UBR2: variants seen among roughly 807,000 people sequenced by gnomAD.
The protein encoded by UBR2 is E3 ubiquitin-protein ligase UBR2.
UBR2 carries 92 observed loss-of-function variants against 247.9 expected under a neutral mutation model. The ratio of observed to expected loss-of-function variants is 0.37; its 90% confidence interval spans 0.31 to 0.44. The LOEUF is 0.44. Ranked by LOEUF, UBR2 falls within the 20% of genes least tolerant of loss-of-function variation. The pLI is 1.00. For missense variants in UBR2, 1,613 were observed against 2,112.6 expected (o/e 0.76, Z 4.64); for synonymous variants, 672 against 693.5 (o/e 0.97, Z 0.49).
At chr6:42,633,053 C>T (rs1795857454) in intron 13 of UBR2, 149 bp downstream of exon 13, 1 of 525,976 alleles carries the variant, frequency 1.9e-6, no homozygotes, top group Non-Finnish European at 3.2e-6. Context: ...GTCATAGACA[C>T]AACCATAGTG....
intron 18 of UBR2, 90 bp downstream of exon 18, chr6:42,642,571 C>A: frequency 9.3e-7 from 1 of 1,070,658 alleles, no homozygotes; most frequent in Non-Finnish European, 1.4e-6. Context: ...TGATCACTCC[C>A]AAATCTACAA....
At chr6:42,670,384 T>G (rs1798359536) in intron 35 of UBR2, 144 bp downstream of exon 35, 2 of 1,082,710 alleles carry the variant, frequency 1.8e-6, no homozygotes, top group Admixed American at 2.7e-5. Context: ...AGAAATGTAA[T>G]GTACTGACAA....
At chr6:42,580,675 G>C (rs1791826962) in intron 2 of UBR2, among the ~76,000 whole-genome samples, 1 of 152,048 alleles carries the variant, frequency 6.6e-6, no homozygotes, top group African/African-American at 2.4e-5. Context: ...GAGTAGCTGG[G>C]ACTACAGGTG....
chr6:42,684,702 C>T (rs1056574617), intron 43 of UBR2, 92 bp from the exon 44 acceptor site: 32 of 827,424 alleles, frequency 3.9e-5, no homozygotes, highest in African/African-American at 1.9e-4. Flanking sequence ...CCATGTTACC[C>T]GGGCTAGGCA....
chr6:42,645,090 C>T (rs559942805), intron 20 of UBR2, among the ~76,000 whole-genome samples: 45 of 152,092 alleles, frequency 3.0e-4, no homozygotes, highest in African/African-American at 1.0e-3. Flanking sequence ...AGAAAGTCTC[C>T]GAAGTTGATA....
chr6:42,625,687 T>C (rs1311769142), intron 11 of UBR2, among the ~76,000 whole-genome samples: 1 of 152,202 alleles, frequency 6.6e-6, no homozygotes, highest in Non-Finnish European at 1.5e-5. Context: ...TGGCCTCATG[T>C]GATCTGCCTA....
Position 42,652,570 on chromosome 6 carries a change from G to T in UBR2, c.2694G>T (p.Leu898Phe), listed in dbSNP as rs774654956. Residue 898 changes from leucine (L) to phenylalanine (F), a missense_variant, in exon 25 of 47, where the codon TTG becomes TTT. Transcript: ENST00000372901. ...ACATTTTGCAGTCAGATGTCATGTT[G>T]TGCATCATGGGAACAATTCTGCAAT... ...LVNILQSDVMLCIMGTILQWA... is the reference protein window; with the variant it reads ...LVNILQSDVMFCIMGTILQWA... 7 of 1,613,608 alleles carry T rather than the reference G, an allele frequency of 4.3e-6. No individual in the cohort carries two copies. The South Asian group carries it at 7.7e-5, about 18-fold the overall frequency.
intron 11 of UBR2, among the ~76,000 whole-genome samples, chr6:42,620,730 C>T (rs755359393): frequency 3.3e-5 from 5 of 151,886 alleles, no homozygotes; most frequent in Non-Finnish European, 7.4e-5. Context: ...GCTGGGATTA[C>T]GGGCATGAGC....
chr6:42,606,672 C>T (rs752082980), intron 7 of UBR2, 21 bp downstream of exon 7: 192 of 1,565,738 alleles, frequency 1.2e-4, no homozygotes, highest in Admixed American at 7.4e-4. Context: ...TAAAAACATG[C>T]TTATATTATT....
chr6:42,676,210 T>C lies in UBR2; in HGVS notation c.4387+19T>C. ...TGTACAGGTAACTCTTGCCTTTTTG[T>C]CAGTTTCTTGAAGGAAATACTTGAG... On this transcript the variant is annotated intron_variant, in intron 39 of 46. Coordinates refer to ENST00000372901, the MANE Select transcript of UBR2 (RefSeq NM_001363705.2). 1 of 1,545,310 alleles carries C rather than the reference T, an allele frequency of 6.5e-7. No individual in the cohort carries two copies. Among genetic ancestry groups the C allele is most frequent in the South Asian group, 1.2e-5 (1 of 80,070 alleles).
chr6:42,645,445 G>A, intron 20 of UBR2, 21 bp from the exon 21 acceptor site: 1 of 1,608,236 alleles, frequency 6.2e-7, no homozygotes, highest in East Asian at 2.2e-5. Flanking sequence ...GTATGTATAT[G>A]TACTTTTCCA....
At chr6:42,614,214 A>ATATATG (rs1794296297) in intron 8 of UBR2, among the ~76,000 whole-genome samples, 1 of 53,560 alleles carries the variant, frequency 1.9e-5, no homozygotes, top group South Asian at 8.1e-4. Context: ...AACTATATAT[A>ATATATG]TATACACACA....
At chr6:42,588,557 C>T (rs950451620) in intron 2 of UBR2, among the ~76,000 whole-genome samples, 12 of 152,204 alleles carry the variant, frequency 7.9e-5, no homozygotes, top group South Asian at 6.2e-4. Context: ...TCCATCTACT[C>T]GGGAGGCTGA....
intron 2 of UBR2, among the ~76,000 whole-genome samples, chr6:42,587,287 G>A (rs993406593): frequency 2.6e-5 from 4 of 152,150 alleles, no homozygotes; most frequent in African/African-American, 9.7e-5. Context: ...AGGTTGGGAA[G>A]CTTTTTCTGT....
intron 22 of UBR2, among the ~76,000 whole-genome samples, chr6:42,649,555 A>G (rs1372463728): frequency 1.3e-5 from 2 of 152,202 alleles, no homozygotes; most frequent in Non-Finnish European, 2.9e-5. Flanking sequence ...CACTCTGACT[A>G]GAAGTGTATA....
chr6:42,663,535 T>C (rs1797940436), intron 32 of UBR2, 116 bp downstream of exon 32: 2 of 1,064,580 alleles, frequency 1.9e-6, no homozygotes, highest in South Asian at 4.1e-5. Context: ...TTCCAGATAC[T>C]TTCCAAACTC....
intron 21 of UBR2, among the ~76,000 whole-genome samples, chr6:42,645,863 C>G (rs1796723295): frequency 6.6e-6 from 1 of 152,072 alleles, no homozygotes; most frequent in Non-Finnish European, 1.5e-5. Flanking sequence ...AAGGTTTGTA[C>G]CCCACAGAAA....
intron 11 of UBR2, among the ~76,000 whole-genome samples, chr6:42,632,056 TAAAA>T (rs1296746615): frequency 4.7e-4 from 60 of 126,958 alleles, no homozygotes; most frequent in Admixed American, 3.3e-4. Flanking sequence ...TTTGCTTATT[TAAAA>T]AAAAAAAAAA....
In UBR2 at chr6:42,678,569, T is replaced by C. The variant is rs767181331; in HGVS notation, c.4509T>C (p.His1503=). 1 of 1,612,040 alleles carries C rather than the reference T, an allele frequency of 6.2e-7. No individual in the cohort carries two copies. Among genetic ancestry groups the C allele is most frequent in the Non-Finnish European group, 8.5e-7 (1 of 1,179,438 alleles). ...TGAAAGAAATACCATCCGGCTGGCATCTGTGGAGGAGTGTCAGAGCTGGAA... is the reference window on the plus strand; with the variant it reads ...TGAAAGAAATACCATCCGGCTGGCACCTGTGGAGGAGTGTCAGAGCTGGAA... The part of the protein sequence containing the change: ...SALKEIPSGW[H]LWRSVRAGIM... The change falls in exon 41 of 47, where the codon CAT becomes CAC. Residue 1503 remains histidine, a synonymous_variant. Transcript: ENST00000372901.
Sources: gnomAD v4.1 joint callset for allele counts (sites outside exome capture counted in the v4.1 genomes callset) on GRCh38, gnomAD v4.1.1 for gene constraint, MANE v1.5 for transcripts, NCBI Gene and HGNC (gene_info 2026-07-23, HGNC 2026-07-21) for gene names.